CHM: variants seen among roughly 807,000 people sequenced by gnomAD.
CHM encodes the protein CHM Rab escort protein.
CHM carries 10 observed loss-of-function variants against 49.0 expected under a neutral mutation model. That is an observed-to-expected ratio of 0.20 (90% CI 0.13 to 0.35). The LOEUF (loss-of-function observed/expected upper bound fraction) is 0.35, where lower values mean the gene tolerates loss of function less well. Among genes scored for constraint, CHM ranks in the 10% least tolerant of loss-of-function variants. The pLI, the probability that CHM is intolerant of heterozygous loss-of-function variation, is 1.00. For synonymous variants in CHM, 184 were observed against 167.5 expected (o/e 1.10, Z -0.76); for missense variants, 455 against 478.4 (o/e 0.95, Z 0.46).
At chrX:85,927,712 G>C (rs1458122143) in intron 8 of CHM, among the ~76,000 whole-genome samples, 1 of 111,924 alleles carries the variant, frequency 8.9e-6, no homozygotes, top group Non-Finnish European at 1.9e-5. Flanking sequence ...TTTACTGAAA[G>C]AGAGCATACC....
rs760608712 is a variant in CHM, at chrX:85,900,731, A to G, written c.1350-22T>C. ...CTGCCTGTAATGCACAAAACAGTGA[A>G]GCAGTAATTCTGATTCCATGGATAA... On this transcript the variant is annotated intron_variant, in intron 10 of 14. Coordinates refer to ENST00000357749, the MANE Select transcript of CHM (RefSeq NM_000390.4). The G allele has an allele frequency of 7.2e-6, 8 of 1,103,621 alleles. No individual in the cohort carries two copies. In the South Asian group the frequency reaches 1.5e-4, roughly 21 times the overall value. 91.0% of individuals were successfully genotyped at this position (1,103,621 alleles called of 1,213,427 possible).
intron 9 of CHM, among the ~76,000 whole-genome samples, chrX:85,903,358 G>A (rs1926395737): frequency 9.0e-6 from 1 of 110,799 alleles, no homozygotes; most frequent in African/African-American, 3.3e-5. Context: ...CTTTAAAAAG[G>A]GTTCCCATTT....
At position 85,864,794 on chromosome X, in the gene CHM, G is replaced by A; in HGVS notation, c.1798C>T (p.Pro600Ser). The A allele has an allele frequency of 8.3e-7, 1 of 1,208,365 alleles. No individual in the cohort carries two copies. Among genetic ancestry groups the A allele is most frequent in the Non-Finnish European group, 1.1e-6 (1 of 893,708 alleles). ...GGAGGGGGACAGAAATCTTCATTGG[G>A]GCAGATTTCCTGGAAAAGTGTTTCA... is the stretch of plus-strand genomic sequence containing the variant. ...QAETLFQEICPNEDFCPPPPN... is the reference protein window; with the variant it reads ...QAETLFQEICSNEDFCPPPPN... Residue 600 changes from proline (P) to serine (S), a missense_variant, in exon 15 of 15, where the codon CCC becomes TCC. Pro to Ser is a moderately conservative substitution (Grantham distance 74). Coordinates refer to ENST00000357749, the MANE Select transcript of CHM (RefSeq NM_000390.4).
At chrX:85,884,795 T>C (rs929178716) in intron 12 of CHM, among the ~76,000 whole-genome samples, 1 of 110,997 alleles carries the variant, frequency 9.0e-6, no homozygotes, top group Admixed American at 9.6e-5. Context: ...TAAGACTACA[T>C]ACAGTACAGT....
At chrX:86,007,958 G>A (rs189530544) in intron 2 of CHM, among the ~76,000 whole-genome samples, 317 of 112,108 alleles carry the variant, frequency 2.8e-3, no homozygotes, top group African/African-American at 9.8e-3. Flanking sequence ...ACATGCACAC[G>A]TATGTTTATT....
At chrX:85,949,978 A>AATATATATATATATATATAT (rs200318878) in intron 8 of CHM, among the ~76,000 whole-genome samples, 870 of 42,373 alleles carry the variant, frequency 0.021, 59 homozygotes, top group Middle Eastern at 0.055. Flanking sequence ...ACTGAAATTA[A>AATATATATATATATATATAT]ATATATATAT....
intron 2 of CHM, among the ~76,000 whole-genome samples, chrX:85,986,625 G>A (rs748582930): frequency 7.2e-5 from 8 of 111,825 alleles, no homozygotes; most frequent in Non-Finnish European, 1.5e-4. Flanking sequence ...GACCCTGTAC[G>A]AAGCCTCGGT....
At position 85,894,181 on chromosome X, in the gene CHM, T is replaced by C. The variant is rs1925664426; in HGVS notation, c.1510+7A>G. ...CAAAATACAAATAACCACTCTACTA[T>C]GCTTACAGGTGCCTTTCATGCATGT... On this transcript the variant is annotated splice_region_variant and intron_variant, in intron 12 of 14. Coordinates refer to ENST00000357749, the MANE Select transcript of CHM (RefSeq NM_000390.4). 1 of 1,190,829 alleles carries C rather than the reference T, an allele frequency of 8.4e-7. No homozygotes were observed. Among genetic ancestry groups the C allele is most frequent in the African/African-American group, 1.8e-5 (1 of 56,873 alleles).
At chrX:86,033,522 T>C (rs1220170758) in intron 1 of CHM, among the ~76,000 whole-genome samples, 1 of 112,177 alleles carries the variant, frequency 8.9e-6, no homozygotes, top group Non-Finnish European at 1.9e-5. Flanking sequence ...AAAAACAGAA[T>C]TGCTGGCAAG....
chrX:85,914,719 T>C (rs184533871), intron 8 of CHM, among the ~76,000 whole-genome samples: 115 of 111,428 alleles, frequency 1.0e-3, no homozygotes, highest in Non-Finnish European at 1.6e-3. Context: ...GCCCTGCTAG[T>C]ATACACTTGC....
intron 2 of CHM, among the ~76,000 whole-genome samples, chrX:86,020,852 T>C (rs1337617803): frequency 9.8e-6 from 1 of 102,320 alleles, no homozygotes; most frequent in African/African-American, 3.5e-5. Context: ...ATACATCATA[T>C]ATATCATATT....
chrX:85,940,845 G>C (rs189071027), intron 8 of CHM, among the ~76,000 whole-genome samples: 12 of 111,297 alleles, frequency 1.1e-4, no homozygotes, highest in African/African-American at 3.9e-4. Flanking sequence ...CTTCAGCAAA[G>C]TAGTCAGCCT....
chrX:85,996,883 G>C (rs1932461962), intron 2 of CHM, among the ~76,000 whole-genome samples: 1 of 111,677 alleles, frequency 9.0e-6, no homozygotes, highest in Non-Finnish European at 1.9e-5. Context: ...TGTGTATTCA[G>C]TGAAGGCTGA....
At chrX:85,871,611 C>T (rs1033487653) in intron 14 of CHM, among the ~76,000 whole-genome samples, 4 of 110,821 alleles carry the variant, frequency 3.6e-5, no homozygotes, top group Non-Finnish European at 7.6e-5. Flanking sequence ...CATTTAATAG[C>T]ATATATTAAT....
At chrX:86,001,285 A>G (rs761139608) in intron 2 of CHM, among the ~76,000 whole-genome samples, 1 of 111,589 alleles carries the variant, frequency 9.0e-6, no homozygotes, top group South Asian at 3.8e-4. Flanking sequence ...TGTTCATAAC[A>G]AGAAATCAGG....
At chrX:85,889,598 T>C (rs1432575571) in intron 12 of CHM, among the ~76,000 whole-genome samples, 7 of 112,215 alleles carry the variant, frequency 6.2e-5, no homozygotes, top group African/African-American at 2.3e-4. Context: ...TTATACACTG[T>C]TGGCAGGAAT....
At chrX:85,900,981 T>C in intron 10 of CHM, 103 bp downstream of exon 10, 1 of 589,837 alleles carries the variant, frequency 1.7e-6, no homozygotes, top group Non-Finnish European at 2.8e-6. Context: ...ATATTGAATA[T>C]ATCTTTGGTT....
At chrX:86,026,079 G>A (rs1206748725) in intron 2 of CHM, among the ~76,000 whole-genome samples, 1 of 94,419 alleles carries the variant, frequency 1.1e-5, no homozygotes, top group Non-Finnish European at 2.1e-5. Flanking sequence ...CTCAGTACCT[G>A]GGCTTTCAAG....
intron 1 of CHM, among the ~76,000 whole-genome samples, chrX:86,042,058 ACTC>A (rs1934487966): frequency 9.1e-6 from 1 of 109,401 alleles, no homozygotes; most frequent in Non-Finnish European, 1.9e-5. Context: ...AGTTTTCACA[ACTC>A]CTCCTGCAAT....
Sources: gnomAD v4.1 joint callset for allele counts (sites outside exome capture counted in the v4.1 genomes callset) on GRCh38, gnomAD v4.1.1 for gene constraint, MANE v1.5 for transcripts, NCBI Gene and HGNC (gene_info 2026-07-23, HGNC 2026-07-21) for gene names.